The following SLC2A9 variants were observed in gnomAD, a reference collection of about 807,000 sequenced individuals.
SLC2A9 encodes solute carrier family 2 member 9.
Under a neutral mutation model 50.6 loss-of-function variants are expected in SLC2A9, and 39 were observed. That is an observed-to-expected ratio of 0.77 (90% CI 0.60 to 1.01). The LOEUF (loss-of-function observed/expected upper bound fraction) is 1.01, where lower values mean the gene tolerates loss of function less well. Among genes scored for constraint, SLC2A9 ranks in the 50% least tolerant of loss-of-function variants. SLC2A9 has a pLI of 0.00. For synonymous variants in SLC2A9, 324 were observed against 276.9 expected (o/e 1.17, Z -1.69); for missense variants, 686 against 677.6 (o/e 1.01, Z -0.14).
At chr4:9,976,685 T>C (rs1176131084) in intron 5 of SLC2A9, among the ~76,000 whole-genome samples, 1 of 152,222 alleles carries the variant, frequency 6.6e-6, no homozygotes, top group Non-Finnish European at 1.5e-5. Flanking sequence ...GGTACACCTT[T>C]TGGCTAGCTC....
upstream of SLC2A9, among the ~76,000 whole-genome samples, chr4:10,025,101 G>T (rs1763707336): frequency 6.6e-6 from 1 of 152,180 alleles, no homozygotes; most frequent in African/African-American, 2.4e-5. Context: ...ACACCTTCTT[G>T]ACAACTTGGT....
chr4:9,783,843 G>T lies in SLC2A9; in HGVS notation n.386-3778C>A, dbSNP rs557031730. ...TGAATTGATTTTTAAACAGCAGGTT[G>T]TGTGTGTGTGCAGTGATGTGGTGGG... On this transcript the variant is annotated intron_variant and non_coding_transcript_variant, in intron 3 of 3. Coordinates refer to the SLC2A9 transcript ENST00000503803. 3.8e-4 allele frequency: 80 copies of T among 208,602 alleles called. 3 individuals carry two copies. The East Asian group carries it at 0.01, about 26-fold the overall frequency. The allele number at this position is 208,602 out of a possible 1,614,324, so 12.9% of individuals were successfully genotyped here.
At position 10,033,866 on chromosome 4, in the gene SLC2A9, A is replaced by C. The variant is rs371204092; in HGVS notation, c.-41+6264T>G. On this transcript the variant is annotated intron_variant, in intron 1 of 12. Transcript: ENST00000309065. ...CCAAACTGTTCCCTTAAAGAACCAC[A>C]TGGGCCCTGTGTCCTTAAGCCCCAG... Among the ~76,000 whole-genome samples the C allele has an allele frequency of 2.6e-5, 4 of 152,330 alleles. No individual in the cohort carries two copies. The East Asian group carries it at 7.7e-4, about 29-fold the overall frequency.
At chr4:9,880,267 T>C (rs369255413) in intron 10 of SLC2A9, 1 of 985,396 alleles carries the variant, frequency 1.0e-6, no homozygotes, top group Non-Finnish European at 1.2e-6. Context: ...CCCTGGTCCA[T>C]CTTGTGGCTA....
At chr4:9,948,527 A>T (rs1465303506) in intron 5 of SLC2A9, among the ~76,000 whole-genome samples, 1 of 152,224 alleles carries the variant, frequency 6.6e-6, no homozygotes, top group Non-Finnish European at 1.5e-5. Context: ...TGTGGACCAC[A>T]GCTGGGCCTG....
In SLC2A9 at chr4:9,972,914, C is replaced by G. The variant is rs6853922; in HGVS notation, c.681+7678G>C. 6.6e-3 allele frequency among the ~76,000 whole-genome samples: 1,001 copies of G among 152,136 alleles called. 10 individuals carry two copies. The highest frequency in any genetic ancestry group is 0.063 in the South Asian group (305 of 4,816). On this transcript the variant is annotated intron_variant, in intron 5 of 11. Transcript: ENST00000264784. ...TAGAAAAACAAGATCAAACCAACTC[C>G]AAAGTTAGCAAAAGAAAAGAAACAG...
chr4:9,983,990 C>A (rs1014800805), intron 4 of SLC2A9, among the ~76,000 whole-genome samples: 1 of 152,142 alleles, frequency 6.6e-6, no homozygotes, highest in Non-Finnish European at 1.5e-5. Flanking sequence ...TCTTTCATTA[C>A]AGGAGGAGAT....
chr4:9,783,765 T>C, intron 3 of SLC2A9: 1 of 290,474 alleles, frequency 3.4e-6, no homozygotes. Context: ...TTAAAAAATA[T>C]GCTCTCCCCT....
At chr4:9,946,615 G>T (rs1368650607) in intron 5 of SLC2A9, among the ~76,000 whole-genome samples, 1 of 152,162 alleles carries the variant, frequency 6.6e-6, no homozygotes, top group Non-Finnish European at 1.5e-5. Context: ...TAAATGAAAT[G>T]CTCTTCTTTA....
At chr4:9,989,995 T>C (rs1253353210) in intron 3 of SLC2A9, among the ~76,000 whole-genome samples, 2 of 151,940 alleles carry the variant, frequency 1.3e-5, no homozygotes, top group Admixed American at 1.3e-4. Flanking sequence ...CTCTTCACCC[T>C]CCCCAGCATC....
chr4:9,969,965 A>T (rs1190205505), intron 5 of SLC2A9, among the ~76,000 whole-genome samples: 3 of 152,072 alleles, frequency 2.0e-5, no homozygotes, highest in Admixed American at 1.3e-4. Flanking sequence ...TCACGCTATA[A>T]TTTTTTTTCC....
At position 9,854,136 on chromosome 4, in the gene SLC2A9, A is replaced by G. The variant is rs180932754; in HGVS notation, c.1292-19128T>C. Among the ~76,000 whole-genome samples the G allele has an allele frequency of 3.0e-3, 464 of 152,328 alleles. 6 individuals carry two copies. The highest frequency in any genetic ancestry group is 0.011 in the African/African-American group (452 of 41,572). Reference sequence around the variant, plus strand: ...CAGAAGATAAGAAATAACCAAAATCAGAGCTGAACTGAAAGAAATTGAGAC... The same window carrying G: ...CAGAAGATAAGAAATAACCAAAATCGGAGCTGAACTGAAAGAAATTGAGAC... On this transcript the variant is annotated intron_variant, in intron 10 of 11. Transcript: ENST00000264784.
At chr4:9,778,715 C>T (rs751381310), downstream of SLC2A9, among the ~76,000 whole-genome samples, 4 of 152,312 alleles carry the variant, frequency 2.6e-5, no homozygotes, top group East Asian at 1.9e-4. Flanking sequence ...TTTGGAGCAC[C>T]GCCCAGGTCA....
At chr4:9,927,761 G>A (rs1258345152) in intron 6 of SLC2A9, among the ~76,000 whole-genome samples, 2 of 152,128 alleles carry the variant, frequency 1.3e-5, no homozygotes, top group African/African-American at 4.8e-5. Context: ...GCTTTATAAC[G>A]TTTTATTATG....
chr4:9,795,007 C>CTTTTTT (rs3060726), downstream of SLC2A9, among the ~76,000 whole-genome samples: 1,910 of 95,118 alleles, frequency 0.02, 86 homozygotes, highest in Non-Finnish European at 0.027. Flanking sequence ...TTAACCCATC[C>CTTTTTT]TTTTTTTTTT....
intron 10 of SLC2A9, among the ~76,000 whole-genome samples, chr4:9,837,546 C>T (rs1321114146): frequency 6.6e-6 from 1 of 152,196 alleles, no homozygotes; most frequent in Non-Finnish European, 1.5e-5. Flanking sequence ...GAATGCGGTA[C>T]ATCAATGTAC....
In SLC2A9 at chr4:9,980,611, A is replaced by C; in HGVS notation, c.662T>G (p.Leu221Arg). The change falls in exon 5 of 12, where the codon CTG (leucine) becomes CGG (arginine). Residue 221 changes from leucine to arginine, a missense_variant. Transcript: ENST00000264784. Reference protein sequence around the residue: ...IGVFTGQLLGLPELLGKESTW... With the variant: ...IGVFTGQLLGRPELLGKESTW... ...ACTCACCTTTCCCAGCAGCTCGGGC[A>C]GGCCCAGAAGCTGCCCAGTGAACAC... 1 of 1,614,232 alleles carries C rather than the reference A, an allele frequency of 6.2e-7. No homozygotes were observed. The highest frequency in any genetic ancestry group is 8.5e-7 in the Non-Finnish European group (1 of 1,180,048).
rs182890204 is a variant in SLC2A9, at chr4:9,827,841, G to T, written c.1420-1241C>A. ...ATGGGCTCTGAAGCCAGTCGAGTGG[G>T]ATTCAAATCCTGATCCCATTACTCA... On this transcript the variant is annotated intron_variant, in intron 11 of 11. Coordinates refer to ENST00000264784, the MANE Select transcript of SLC2A9 (RefSeq NM_020041.3). 2.6e-5 allele frequency among the ~76,000 whole-genome samples: 4 copies of T among 152,266 alleles called. No individual in the cohort carries two copies. In the East Asian group the frequency reaches 7.7e-4, roughly 29 times the overall value.
chr4:9,932,782 G>A (rs1455473482), intron 6 of SLC2A9, among the ~76,000 whole-genome samples: 1 of 152,198 alleles, frequency 6.6e-6, no homozygotes, highest in Non-Finnish European at 1.5e-5. Context: ...TGTGTCATGG[G>A]GGCTAGCAGC....
Sources: allele counts gnomAD v4.1 joint callset (sites outside exome capture counted in the v4.1 genomes callset), GRCh38; gene constraint gnomAD v4.1.1; transcripts MANE v1.5; gene names NCBI Gene and HGNC (gene_info 2026-07-23, HGNC 2026-07-21).